ULK4: variants seen among roughly 807,000 people sequenced by gnomAD.
ULK4 encodes unc-51 like kinase 4.
In ULK4, 133 loss-of-function variants were observed where a neutral mutation model predicts 160.6. The observed-to-expected ratio is 0.83, with a 90% CI of 0.72 to 0.96. ULK4 has a LOEUF of 0.96. Among genes scored for constraint, ULK4 ranks in the 40% least tolerant of loss-of-function variants. The pLI is 0.00. For synonymous variants in ULK4, 534 were observed against 539.8 expected (o/e 0.99, Z 0.15); for missense variants, 1,580 against 1,499.5 (o/e 1.05, Z -0.89).
At chr3:41,367,627 T>A (rs570816938) in intron 35 of ULK4, among the ~76,000 whole-genome samples, 3 of 152,282 alleles carry the variant, frequency 2.0e-5, no homozygotes, top group African/African-American at 7.2e-5. Flanking sequence ...TGGTATGTGG[T>A]CTTCTCAATC....
chr3:41,647,957 G>T (rs62258600), intron 30 of ULK4, among the ~76,000 whole-genome samples: 4 of 152,282 alleles, frequency 2.6e-5, no homozygotes, highest in African/African-American at 9.6e-5. Flanking sequence ...AGACTGCTGT[G>T]CTAGCAATCA....
At chr3:41,808,864 T>C (rs1040127824) in intron 19 of ULK4, among the ~76,000 whole-genome samples, 1 of 152,164 alleles carries the variant, frequency 6.6e-6, no homozygotes, top group Non-Finnish European at 1.5e-5. Flanking sequence ...ACACAGTCGC[T>C]GACTTAAGAA....
At chr3:41,329,212 G>A (rs1473463660) in intron 35 of ULK4, among the ~76,000 whole-genome samples, 1 of 152,148 alleles carries the variant, frequency 6.6e-6, no homozygotes, top group Non-Finnish European at 1.5e-5. Context: ...TTGCTGCAAC[G>A]TATCAATACT....
chr3:41,727,182 G>A (rs961333092), intron 22 of ULK4, among the ~76,000 whole-genome samples: 4 of 152,140 alleles, frequency 2.6e-5, no homozygotes, highest in East Asian at 1.9e-4. Flanking sequence ...GTGATTCTAA[G>A]GCCAAACTCA....
intron 21 of ULK4, among the ~76,000 whole-genome samples, chr3:41,758,998 T>C (rs569579744): frequency 6.6e-6 from 1 of 151,972 alleles, no homozygotes; most frequent in Admixed American, 6.6e-5. Flanking sequence ...TGATAAAAAC[T>C]CTCAGTAACC....
intron 25 of ULK4, among the ~76,000 whole-genome samples, chr3:41,705,911 G>A (rs531895410): frequency 3.3e-5 from 5 of 152,136 alleles, no homozygotes; most frequent in African/African-American, 7.2e-5. Context: ...CATATCAGAA[G>A]AGAGTTCGAA....
chr3:41,643,995 T>G (rs1674835043), intron 30 of ULK4, among the ~76,000 whole-genome samples: 1 of 152,168 alleles, frequency 6.6e-6, no homozygotes, highest in Non-Finnish European at 1.5e-5. Context: ...TCTCTGTTTG[T>G]CTGTTATTGG....
intron 21 of ULK4, among the ~76,000 whole-genome samples, chr3:41,785,468 C>G (rs575285565): frequency 2.0e-5 from 3 of 152,222 alleles, no homozygotes; most frequent in South Asian, 2.1e-4. Flanking sequence ...TTAGAGTCTT[C>G]TAAGTTTTCT....
intron 18 of ULK4, among the ~76,000 whole-genome samples, chr3:41,820,616 G>A (rs959176339): frequency 1.3e-5 from 2 of 152,036 alleles, no homozygotes; most frequent in Admixed American, 6.6e-5. Flanking sequence ...AGACACTAGA[G>A]ACTACAACAA....
chr3:41,522,851 C>G (rs1043106889), intron 32 of ULK4, among the ~76,000 whole-genome samples: 1 of 152,174 alleles, frequency 6.6e-6, no homozygotes. Flanking sequence ...TGTGTTATCA[C>G]AAGAGGAACT....
intron 30 of ULK4, among the ~76,000 whole-genome samples, chr3:41,634,312 G>A (rs2125707280): frequency 1.3e-5 from 2 of 152,284 alleles, no homozygotes; most frequent in African/African-American, 4.8e-5. Flanking sequence ...TGTTCTCCCA[G>A]GCATCCTGGG....
At chr3:41,703,856 AC>A (rs2036769083) in intron 27 of ULK4, among the ~76,000 whole-genome samples, 2 of 150,932 alleles carry the variant, frequency 1.3e-5, no homozygotes, top group African/African-American at 2.5e-5. Context: ...ACACACACAC[AC>A]ACACACACAC....
intron 16 of ULK4, among the ~76,000 whole-genome samples, chr3:41,893,941 G>C (rs1698061662): frequency 6.6e-6 from 1 of 152,168 alleles, no homozygotes; most frequent in African/African-American, 2.4e-5. Context: ...AACGTCGCTG[G>C]AAGTGGCTTT....
intron 35 of ULK4, among the ~76,000 whole-genome samples, chr3:41,256,913 G>A (rs2078846300): frequency 6.6e-6 from 1 of 152,140 alleles, no homozygotes. Flanking sequence ...GGAGTGCAGT[G>A]GTGTGATCAT....
At chr3:41,734,172 T>A (rs989251895) in intron 22 of ULK4, among the ~76,000 whole-genome samples, 1 of 152,132 alleles carries the variant, frequency 6.6e-6, no homozygotes, top group Admixed American at 6.5e-5. Flanking sequence ...ATTGGCTTGG[T>A]TGGGGCAGTC....
intron 21 of ULK4, among the ~76,000 whole-genome samples, chr3:41,788,829 TAA>T (rs1267227514): frequency 2.0e-5 from 3 of 152,360 alleles, no homozygotes; most frequent in African/African-American, 7.2e-5. Flanking sequence ...AAAATATTTC[TAA>T]GTTTGAATCA....
chr3:41,339,147 G>A (rs2080627667), intron 35 of ULK4, among the ~76,000 whole-genome samples: 1 of 151,984 alleles, frequency 6.6e-6, no homozygotes, highest in Admixed American at 6.6e-5. Flanking sequence ...GCATTCAGCT[G>A]TGGGCAGGTG....
intron 32 of ULK4, among the ~76,000 whole-genome samples, chr3:41,500,904 T>A (rs2085180345): frequency 6.6e-6 from 1 of 152,218 alleles, no homozygotes; most frequent in Non-Finnish European, 1.5e-5. Flanking sequence ...TTTGTTTTTG[T>A]TTCTCCAGTA....
chr3:41,852,899 T>C (rs1200535936), intron 17 of ULK4, among the ~76,000 whole-genome samples: 1 of 152,134 alleles, frequency 6.6e-6, no homozygotes, highest in Non-Finnish European at 1.5e-5. Context: ...TGTTGAGACC[T>C]TGATACTAAA....
Sources: gnomAD v4.1 joint callset for allele counts (sites outside exome capture counted in the v4.1 genomes callset) on GRCh38, gnomAD v4.1.1 for gene constraint, MANE v1.5 for transcripts, NCBI Gene and HGNC (gene_info 2026-07-23, HGNC 2026-07-21) for gene names.